FAS: variants seen among roughly 807,000 people sequenced by gnomAD.
FAS encodes Fas cell surface death receptor.
Under a neutral mutation model 33.2 loss-of-function variants are expected in FAS, and 5 were observed. The observed-to-expected ratio is 0.15, with a 90% confidence interval of 0.08 to 0.32. FAS has a LOEUF of 0.32. Among genes scored for constraint, FAS ranks in the 10% least tolerant of loss-of-function variants. FAS has a pLI of 1.00. For synonymous variants in FAS, 131 were observed against 130.7 expected, an observed-to-expected ratio of 1.00 and a Z score of -0.01; for missense variants, 339 against 386.0, an observed-to-expected ratio of 0.88 and a Z score of 1.02.
intron 2 of FAS, among the ~76,000 whole-genome samples, chr10:89,004,289 T>C (rs957494722): frequency 4.6e-5 from 7 of 152,186 alleles, no homozygotes; most frequent in Non-Finnish European, 1.0e-4. Flanking sequence ...AAGAAGTGAA[T>C]GTAAATTGTT....
chr10:88,979,718 A>G (rs535823224), intron 2 of FAS, among the ~76,000 whole-genome samples: 4 of 152,268 alleles, frequency 2.6e-5, no homozygotes, highest in Admixed American at 6.5e-5. Context: ...TCTAAACTCA[A>G]TTCGATCAGA....
chr10:88,964,199 T>G (rs1846283047), intron 1 of FAS, among the ~76,000 whole-genome samples: 1 of 152,166 alleles, frequency 6.6e-6, no homozygotes, highest in Non-Finnish European at 1.5e-5. Flanking sequence ...CTCTCTATTC[T>G]TCCGAATTCT....
rs149165244 is a variant in FAS at position 89,005,605 on chromosome 10, C to T, written c.197-2095C>T. ...GAATGCAACAAAATAACGGCAATAT[C>T]TCCAGATTGTTGATATATAGTTTTT... On this transcript the variant is annotated intron_variant, in intron 2 of 8. Transcript: ENST00000652046. Among the ~76,000 whole-genome samples the T allele has an allele frequency of 1.4e-3, 210 of 152,108 alleles. 5 individuals are homozygous for T. In the South Asian group the frequency reaches 0.019, roughly 14 times the overall value.
intron 1 of FAS, among the ~76,000 whole-genome samples, chr10:88,968,485 C>T (rs567155576): frequency 3.3e-5 from 5 of 152,126 alleles, no homozygotes; most frequent in Non-Finnish European, 7.4e-5. Flanking sequence ...GTTGGTAACA[C>T]GGGCACTCTG....
intron 1 of FAS, among the ~76,000 whole-genome samples, chr10:88,965,615 G>A (rs1381897109): frequency 6.6e-6 from 1 of 151,958 alleles, no homozygotes; most frequent in Non-Finnish European, 1.5e-5. Flanking sequence ...CAGAACAGAG[G>A]TCCTCGGGCA....
At position 88,973,278 on chromosome 10, in the gene FAS, A is replaced by T. The variant is rs767473384; in HGVS notation, n.191A>T. On this transcript the variant is annotated non_coding_transcript_exon_variant, in exon 2 of 4. Coordinates refer to the FAS transcript ENST00000688239. Reference sequence around the variant, plus strand: ...ACCAAATGGATTCCCACTCTTGGGGATCTCTAGGTCATCATCACCATCTGA... The same window carrying T: ...ACCAAATGGATTCCCACTCTTGGGGTTCTCTAGGTCATCATCACCATCTGA... 5.6e-6 allele frequency: 9 copies of T among 1,612,220 alleles called. No individual in the cohort carries two copies. In the Middle Eastern group the frequency reaches 6.6e-4, roughly 118 times the overall value.
chr10:89,009,948 C>T (rs186700321), intron 4 of FAS, among the ~76,000 whole-genome samples: 27 of 152,318 alleles, frequency 1.8e-4, no homozygotes, highest in Admixed American at 1.6e-3. Flanking sequence ...AGTGTGACTT[C>T]CCAAGCTCAC....
At chr10:89,012,239 G>A (rs1039570311) in intron 7 of FAS, 158 bp downstream of exon 7, 2 of 629,486 alleles carry the variant, frequency 3.2e-6, no homozygotes, top group South Asian at 1.7e-5. Flanking sequence ...GTGCAGGGGT[G>A]CAATCATGGC....
intron 4 of FAS, 65 bp downstream of exon 4, chr10:89,009,062 G>A: frequency 7.3e-7 from 1 of 1,373,364 alleles, no homozygotes; most frequent in Non-Finnish European, 1.0e-6. Context: ...TTTTCCTAGG[G>A]AAGTAACACT....
In FAS at chr10:89,014,444, G is replaced by A. The variant is rs1848690736; in HGVS notation, c.1002G>A (p.Leu334=). The change falls in exon 9 of 9, where the codon TTG becomes TTA. Residue 334 remains leucine, a synonymous_variant. Transcript: ENST00000652046. ...ACTTCAGAAATGAAATCCAAAGCTT[G>A]GTCTAGAGTGAAAAACAACAAATTC... ...NSNFRNEIQS[L]V 1.2e-6 allele frequency: 2 copies of A among 1,608,154 alleles called. No homozygotes were observed. The highest frequency in any genetic ancestry group is 1.3e-5 in the African/African-American group (1 of 74,898).
chr10:88,978,578 A>T (rs767433262), intron 2 of FAS, among the ~76,000 whole-genome samples: 1 of 152,112 alleles, frequency 6.6e-6, no homozygotes, highest in Admixed American at 6.5e-5. Context: ...ATTCTGTTCT[A>T]TTGAAAGCCA....
At chr10:88,987,228 T>A (rs1846926741), upstream of FAS, among the ~76,000 whole-genome samples, 1 of 152,254 alleles carries the variant, frequency 6.6e-6, no homozygotes, top group African/African-American at 2.4e-5. Context: ...CAATTATCTT[T>A]ACTTGAGCTT....
intron 2 of FAS, among the ~76,000 whole-genome samples, chr10:88,981,081 T>TTG (rs1846699519): frequency 6.6e-6 from 1 of 152,082 alleles, no homozygotes; most frequent in Non-Finnish European, 1.5e-5. Flanking sequence ...TGCGAGGAAG[T>TTG]CAGCACAAGC....
chr10:89,013,981 T>A, intron 8 of FAS, 138 bp from the exon 9 acceptor site: 1 of 832,592 alleles, frequency 1.2e-6, no homozygotes. Context: ...TGTTTCTGTA[T>A]TCCCCTAGTC....
At chr10:88,986,750 G>A (rs963156816), upstream of FAS, among the ~76,000 whole-genome samples, 54 of 151,822 alleles carry the variant, frequency 3.6e-4, no homozygotes, top group African/African-American at 1.2e-3. Flanking sequence ...AGTGCAGGAA[G>A]GAAGAAGTAT....
chr10:88,976,480 T>A (rs945406082), intron 2 of FAS, among the ~76,000 whole-genome samples: 2 of 152,224 alleles, frequency 1.3e-5, no homozygotes, highest in Admixed American at 6.5e-5. Flanking sequence ...AATTAGTACA[T>A]TAATTACATT....
At chr10:89,009,515 C>A (rs1848419946) in intron 4 of FAS, among the ~76,000 whole-genome samples, 1 of 152,150 alleles carries the variant, frequency 6.6e-6, no homozygotes, top group Non-Finnish European at 1.5e-5. Context: ...AAACAGAATA[C>A]CTGGCTGGAG....
rs773886547 is a variant in FAS, at chr10:89,015,851, T to C, written c.*1401T>C. 1 of 416,350 alleles carries C rather than the reference T, an allele frequency of 2.4e-6. No individual in the cohort carries two copies. Among genetic ancestry groups the C allele is most frequent in the Admixed American group, 3.4e-5 (1 of 29,268 alleles). The allele number at this position is 416,350 out of a possible 1,614,324, so 25.8% of individuals were successfully genotyped here. On this transcript the variant is annotated 3_prime_UTR_variant, in exon 9 of 9. Transcript: ENST00000652046. ...TTTTGTCTTCCTTTTCTCTAACTGA[T>C]GCTAAATATAACTTGTCTTTAATGC...
intron 1 of FAS, chr10:88,991,245 G>A (rs1428308281): frequency 4.1e-6 from 2 of 485,994 alleles, no homozygotes; most frequent in South Asian, 2.1e-5. Flanking sequence ...AATTGAAGCG[G>A]AAGTCTGGGA....
Sources: allele counts gnomAD v4.1 joint callset (sites outside exome capture counted in the v4.1 genomes callset), GRCh38; gene constraint gnomAD v4.1.1; transcripts MANE v1.5; gene names NCBI Gene and HGNC (gene_info 2026-07-23, HGNC 2026-07-21).